Variants in HS3ST5 observed in about 807,000 individuals in gnomAD.
HS3ST5 encodes the protein heparan sulfate glucosamine 3-O-sulfotransferase 5.
In HS3ST5, 10 loss-of-function variants were observed where a neutral mutation model predicts 25.4. The ratio of observed to expected loss-of-function variants is 0.39; its 90% CI spans 0.24 to 0.67. HS3ST5 has a LOEUF of 0.67. Ranked by LOEUF, HS3ST5 falls within the 30% of genes least tolerant of loss-of-function variation. HS3ST5 has a pLI of 0.44. For missense variants in HS3ST5, 324 were observed against 420.7 expected, an observed-to-expected ratio of 0.77 and a Z score of 2.01; for synonymous variants, 170 against 162.4, an observed-to-expected ratio of 1.05 and a Z score of -0.36.
At chr6:114,127,873 G>C (rs1298840272) in intron 3 of HS3ST5, among the ~76,000 whole-genome samples, 1 of 148,244 alleles carries the variant, frequency 6.7e-6, no homozygotes, top group African/African-American at 2.5e-5. Context: ...GAGAGAGAGA[G>C]ACTTATATAT....
chr6:114,338,131 A>C (rs956360207), intron 1 of HS3ST5, among the ~76,000 whole-genome samples: 2 of 152,098 alleles, frequency 1.3e-5, no homozygotes, highest in Non-Finnish European at 2.9e-5. Context: ...TTTCAATATC[A>C]AACTAGTAGA....
At chr6:114,297,212 T>G (rs1774862857) in intron 1 of HS3ST5, among the ~76,000 whole-genome samples, 1 of 152,048 alleles carries the variant, frequency 6.6e-6, no homozygotes, top group African/African-American at 2.4e-5. Flanking sequence ...GAGTGTTTTT[T>G]TTTTAGATAT....
chr6:114,334,501 G>A (rs1339881866), intron 1 of HS3ST5, among the ~76,000 whole-genome samples: 1 of 152,104 alleles, frequency 6.6e-6, no homozygotes, highest in Non-Finnish European at 1.5e-5. Context: ...ACATCGTTTC[G>A]GCCAATGACA....
At chr6:114,198,972 A>T (rs1471742577) in intron 2 of HS3ST5, among the ~76,000 whole-genome samples, 1 of 152,176 alleles carries the variant, frequency 6.6e-6, no homozygotes, top group Non-Finnish European at 1.5e-5. Context: ...TTTTAGAATC[A>T]CAAACATTTT....
intron 1 of HS3ST5, among the ~76,000 whole-genome samples, chr6:114,339,007 T>C (rs1315955288): frequency 1.3e-5 from 2 of 152,128 alleles, no homozygotes; most frequent in Non-Finnish European, 2.9e-5. Context: ...ACTTGACTTG[T>C]TCTCTCTTTT....
chr6:114,249,184 C>T (rs997991394), intron 1 of HS3ST5, among the ~76,000 whole-genome samples: 5 of 152,198 alleles, frequency 3.3e-5, no homozygotes, highest in African/African-American at 1.2e-4. Flanking sequence ...AAAAAGTCAA[C>T]CTCCAGAAAT....
At chr6:114,310,176 A>C (rs550775971) in intron 1 of HS3ST5, among the ~76,000 whole-genome samples, 295 of 152,338 alleles carry the variant, frequency 1.9e-3, no homozygotes, top group Non-Finnish European at 3.6e-3. Context: ...AAATTCTCCT[A>C]TCTGAAATAT....
intron 1 of HS3ST5, among the ~76,000 whole-genome samples, chr6:114,333,762 T>C (rs549898776): frequency 6.6e-6 from 1 of 152,178 alleles, no homozygotes; most frequent in African/African-American, 2.4e-5. Context: ...ACGGCTAATA[T>C]TTTTAAAGAT....
intron 3 of HS3ST5, among the ~76,000 whole-genome samples, chr6:114,112,793 C>G (rs1057060061): frequency 6.6e-5 from 10 of 152,144 alleles, no homozygotes; most frequent in African/African-American, 2.2e-4. Context: ...TAACTCTTAG[C>G]TTATGCTTCT....
Position 114,217,621 on chromosome 6 carries a change from A to G in HS3ST5, c.-145+10964T>C, listed in dbSNP as rs1781832488. ...TCTACTGAGCCTTACAATGTAGTTT[A>G]CAATGTAAAGTACATCTCTTTTAAT... On this transcript the variant is annotated intron_variant, in intron 2 of 4. Coordinates refer to ENST00000312719, the MANE Select transcript of HS3ST5 (RefSeq NM_153612.4). Among the ~76,000 whole-genome samples the G allele has an allele frequency of 2.6e-5, 4 of 152,218 alleles. No individual in the cohort carries two copies. In the South Asian group the frequency reaches 8.3e-4, roughly 32 times the overall value.
intron 2 of HS3ST5, among the ~76,000 whole-genome samples, chr6:114,201,066 ATTC>A (rs1021999693): frequency 3.9e-5 from 6 of 152,206 alleles, no homozygotes; most frequent in African/African-American, 9.6e-5. Flanking sequence ...GCTGATAACA[ATTC>A]TTCTGAACTT....
chr6:114,281,263 A>T (rs750086976), intron 1 of HS3ST5, among the ~76,000 whole-genome samples: 1 of 152,022 alleles, frequency 6.6e-6, no homozygotes, highest in African/African-American at 2.4e-5. Context: ...CAATTAAAAT[A>T]ACTGATTTTA....
At chr6:114,336,997 A>C (rs1199800069) in intron 1 of HS3ST5, among the ~76,000 whole-genome samples, 3 of 152,184 alleles carry the variant, frequency 2.0e-5, no homozygotes, top group Non-Finnish European at 4.4e-5. Flanking sequence ...TTTTAAAATA[A>C]AAAGTACAAT....
intron 1 of HS3ST5, among the ~76,000 whole-genome samples, chr6:114,332,462 C>T (rs1776441039): frequency 6.6e-6 from 1 of 152,130 alleles, no homozygotes; most frequent in African/African-American, 2.4e-5. Context: ...GCCTGACACA[C>T]AGTACCTGTT....
intron 3 of HS3ST5, among the ~76,000 whole-genome samples, chr6:114,133,106 T>C (rs1304143282): frequency 2.0e-5 from 3 of 152,168 alleles, no homozygotes; most frequent in Admixed American, 2.0e-4. Flanking sequence ...CTCTAGATCC[T>C]GCATCTAGAT....
chr6:114,308,117 T>C (rs1206735127), intron 1 of HS3ST5, among the ~76,000 whole-genome samples: 1 of 152,172 alleles, frequency 6.6e-6, no homozygotes, highest in African/African-American at 2.4e-5. Context: ...AAAATGATCA[T>C]TGTAAATGAC....
intron 1 of HS3ST5, among the ~76,000 whole-genome samples, chr6:114,298,158 GA>G (rs1191020118): frequency 2.6e-5 from 4 of 152,148 alleles, no homozygotes; most frequent in African/African-American, 9.7e-5. Flanking sequence ...CTTACTATTA[GA>G]AGGTATAATT....
At position 114,229,151 on chromosome 6, in the gene HS3ST5, T is replaced by A. The variant is rs558532787; in HGVS notation, c.-338-373A>T. Among the ~76,000 whole-genome samples, 4 of 152,314 alleles carry A rather than the reference T, an allele frequency of 2.6e-5. No homozygotes were observed. In the South Asian group the frequency reaches 8.3e-4, roughly 32 times the overall value. ...GAGGCTCTATCACCCCCGTAAAAGATAAAATGGGATACTTTAAATCCCCAT... is the reference window on the plus strand; with the variant it reads ...GAGGCTCTATCACCCCCGTAAAAGAAAAAATGGGATACTTTAAATCCCCAT... On this transcript the variant is annotated intron_variant, in intron 1 of 4. Coordinates refer to ENST00000312719, the MANE Select transcript of HS3ST5 (RefSeq NM_153612.4).
chr6:114,095,413 A>G (rs1354492811), intron 3 of HS3ST5, among the ~76,000 whole-genome samples: 1 of 152,134 alleles, frequency 6.6e-6, no homozygotes, highest in Non-Finnish European at 1.5e-5. Flanking sequence ...TACACAACCC[A>G]TGCCTTTCTT....
Sources: allele counts gnomAD v4.1 joint callset (sites outside exome capture counted in the v4.1 genomes callset), GRCh38; gene constraint gnomAD v4.1.1; transcripts MANE v1.5; gene names NCBI Gene and HGNC (gene_info 2026-07-23, HGNC 2026-07-21).